Variants in CEP76 observed in about 807,000 individuals in gnomAD.
CEP76 encodes centrosomal protein 76.
A neutral mutation model predicts 83.3 loss-of-function variants in CEP76; 55 were observed. That is an observed-to-expected ratio of 0.66 (90% CI 0.53 to 0.83). CEP76 has a LOEUF of 0.83. Ranked by LOEUF, CEP76 falls within the 40% of genes least tolerant of loss-of-function variation. The pLI, the probability that CEP76 is intolerant of heterozygous loss-of-function variation, is 0.00. For synonymous variants in CEP76, 270 were observed against 274.5 expected, an observed-to-expected ratio of 0.98 and a Z score of 0.16; for missense variants, 694 against 799.5, an observed-to-expected ratio of 0.87 and a Z score of 1.59.
intron 9 of CEP76, 25 bp from the exon 10 acceptor site, chr18:12,678,467 T>A: frequency 6.8e-7 from 1 of 1,464,130 alleles, no homozygotes; most frequent in South Asian, 1.3e-5. Flanking sequence ...TAATTTTATA[T>A]ATGAGAACTT....
intron 2 of CEP76, chr18:12,700,174 T>C (rs1309356826): frequency 4.2e-6 from 1 of 238,202 alleles, no homozygotes; most frequent in Non-Finnish European, 8.0e-6. Flanking sequence ...AAATCCTTAA[T>C]ACCTTCAACA....
rs1270971805 is a variant in CEP76, at chr18:12,697,541, A to G, written c.521-133T>C. ...GAGAACAATTTGCTAATGTCTCAGA[A>G]AGCATGCAAAAAACTGGAAATACAA... On this transcript the variant is annotated intron_variant, in intron 4 of 11. Transcript: ENST00000262127. 6 of 633,270 alleles carry G rather than the reference A, an allele frequency of 9.5e-6. No homozygotes were observed. In the African/African-American group the frequency reaches 1.1e-4, roughly 12 times the overall value. 39.2% of individuals were successfully genotyped at this position (633,270 alleles called of 1,614,324 possible). A position where few individuals can be genotyped will look rare whatever the true frequency, so the allele number is the denominator to read the frequency against.
At chr18:12,701,555 T>C (rs562337924) in intron 1 of CEP76, among the ~76,000 whole-genome samples, 1 of 152,216 alleles carries the variant, frequency 6.6e-6, no homozygotes, top group East Asian at 1.9e-4. Flanking sequence ...AAAAACCTAG[T>C]GTAGTGCCCT....
chr18:12,683,199 A>AAAAAAAAAAAAAG (rs2039413148), intron 8 of CEP76, among the ~76,000 whole-genome samples: 2 of 148,170 alleles, frequency 1.3e-5, no homozygotes, highest in Non-Finnish European at 3.0e-5. Context: ...AAAAAAAAAA[A>AAAAAAAAAAAAAG]AAAAAGCCAG....
chr18:12,673,654 T>C (rs2039011478), intron 11 of CEP76, 151 bp from the exon 12 acceptor site: 1 of 524,320 alleles, frequency 1.9e-6, no homozygotes, highest in Non-Finnish European at 3.2e-6. Flanking sequence ...CCGAGACAGG[T>C]GGATCACCTG....
At position 12,699,319 on chromosome 18, in the gene CEP76, A is replaced by G. The variant is rs546993936; in HGVS notation, c.296-116T>C. The G allele has an allele frequency of 5.8e-6, 4 of 691,178 alleles. No homozygotes were observed. In the Admixed American group the frequency reaches 1.2e-4, roughly 21 times the overall value. The allele number at this position is 691,178 out of a possible 1,614,324, so 42.8% of individuals were successfully genotyped here. ...AAACCCAATACCAAAGACTAAAAAA[A>G]AAGCAAAAGAGTAACAAATTTATTA... On this transcript the variant is annotated intron_variant, in intron 3 of 11. Transcript: ENST00000262127.
chr18:12,691,389 G>C lies in CEP76; in HGVS notation c.903C>G (p.His301Gln). 6.2e-7 allele frequency: 1 copy of C among 1,606,238 alleles called. No individual in the cohort carries two copies. The highest frequency in any genetic ancestry group is 8.5e-7 in the Non-Finnish European group (1 of 1,175,898). ...WREYLQIRPSHNSRLVKIFAQ... is the reference protein window; with the variant it reads ...WREYLQIRPSQNSRLVKIFAQ... ...CAAAAATCTTAACCAGTCGTGAGTT[G>C]TGTGAGGGTCGAATTTGCAAATATT... Residue 301 changes from histidine (H) to glutamine (Q), a missense_variant, in exon 7 of 12, where the codon CAC becomes CAG. Coordinates refer to ENST00000262127, the MANE Select transcript of CEP76 (RefSeq NM_024899.4).
intron 12 of CEP76, among the ~76,000 whole-genome samples, chr18:12,666,029 C>G (rs549609118): frequency 6.6e-6 from 1 of 151,704 alleles, no homozygotes; most frequent in South Asian, 2.1e-4. Flanking sequence ...AAAATTGTTC[C>G]TTTGTGGCTG....
intron 1 of CEP76, among the ~76,000 whole-genome samples, chr18:12,702,272 A>G (rs949783936): frequency 6.6e-6 from 1 of 151,574 alleles, no homozygotes. Context: ...ATCGCCCCAG[A>G]CTCTTGCTAG....
Position 12,673,136 on chromosome 18 carries a change from A to G in CEP76, c.*229T>C, listed in dbSNP as rs2038989656. 2.7e-6 allele frequency: 3 copies of G among 1,131,430 alleles called. No homozygotes were observed. The highest frequency in any genetic ancestry group is 3.3e-6 in the Non-Finnish European group (3 of 902,212). The allele number at this position is 1,131,430 out of a possible 1,614,324, so 70.1% of individuals were successfully genotyped here. The stretch of plus-strand genomic sequence containing the variant: ...TAGCATTTATTAAAATAGAATATAC[A>G]CTTAATTTATACTAAATTCCAGGGA... On this transcript the variant is annotated 3_prime_UTR_variant, in exon 12 of 12. Transcript: ENST00000262127.
At chr18:12,665,436 T>G (rs1304689645) in intron 12 of CEP76, among the ~76,000 whole-genome samples, 1 of 152,124 alleles carries the variant, frequency 6.6e-6, no homozygotes, top group Non-Finnish European at 1.5e-5. Flanking sequence ...AACAGTTCTG[T>G]TAACCTGAAT....
At chr18:12,682,813 A>T (rs1453017908) in intron 8 of CEP76, among the ~76,000 whole-genome samples, 1 of 150,694 alleles carries the variant, frequency 6.6e-6, no homozygotes, top group East Asian at 2.0e-4. Context: ...GTAGAGAGAG[A>T]GTTTCATCAT....
rs575374608 is a variant in CEP76, at chr18:12,666,123, A to C, written c.*1728-3954T>G. On this transcript the variant is annotated intron_variant and NMD_transcript_variant, in intron 12 of 12. Transcript: ENST00000590143. The stretch of plus-strand genomic sequence containing the variant: ...CTTGATGCCAGAAGTTCAAGACCAG[A>C]CTGAGCAACATAGCAAGAACTCATC... 1.9e-4 allele frequency among the ~76,000 whole-genome samples: 28 copies of C among 151,126 alleles called. No homozygotes were observed. In the South Asian group the frequency reaches 5.7e-3, roughly 31 times the overall value.
chr18:12,695,242 A>G lies in CEP76; in HGVS notation c.804+12T>C, dbSNP rs776776734. The G allele has an allele frequency of 3.8e-5, 47 of 1,241,390 alleles. No individual in the cohort carries two copies. Among genetic ancestry groups the G allele is most frequent in the Middle Eastern group, 2.1e-4 (1 of 4,878 alleles). The allele number at this position is 1,241,390 out of a possible 1,614,324, so 76.9% of individuals were successfully genotyped here. ...CAAACACACAAAAAAAGAGAAACTC[A>G]TAAGTATTTACCTGTGTGTTCACTA... On this transcript the variant is annotated intron_variant, in intron 6 of 11. Coordinates refer to ENST00000262127, the MANE Select transcript of CEP76 (RefSeq NM_024899.4).
Position 12,699,119 on chromosome 18 carries a change from G to A in CEP76, c.380C>T (p.Pro127Leu). ...AFLEHLQEPE[P>L]LPGQVCSTFT... ...CGTTGAACAAACTTGTCCAGGTAAAGGCTCAGGTTCTTGCAGATGTTCCAA... is the reference window on the plus strand; with the variant it reads ...CGTTGAACAAACTTGTCCAGGTAAAAGCTCAGGTTCTTGCAGATGTTCCAA... The change falls in exon 4 of 12, where the codon CCT becomes CTT. Residue 127 changes from proline to leucine, a missense_variant. Coordinates refer to ENST00000262127, the MANE Select transcript of CEP76 (RefSeq NM_024899.4). 6 of 1,614,066 alleles carry A rather than the reference G, an allele frequency of 3.7e-6. No homozygotes were observed. Among genetic ancestry groups the A allele is most frequent in the Non-Finnish European group, 5.1e-6 (6 of 1,179,990 alleles).
At chr18:12,669,771 C>T (rs546819315), downstream of CEP76, among the ~76,000 whole-genome samples, 3 of 152,090 alleles carry the variant, frequency 2.0e-5, no homozygotes, top group Admixed American at 6.5e-5. Flanking sequence ...GAGGCCAAGG[C>T]GGGTGGATCA....
At chr18:12,698,953 A>T (rs1382473216) in intron 4 of CEP76, 26 bp downstream of exon 4, 1 of 1,461,618 alleles carries the variant, frequency 6.8e-7, no homozygotes, top group East Asian at 2.3e-5. Context: ...TACTCAATTA[A>T]ATGACAATTT....
At chr18:12,663,360 C>A (rs1041808681) in intron 12 of CEP76, 8 of 152,216 alleles carry the variant, frequency 5.3e-5, no homozygotes, top group African/African-American at 1.9e-4. Flanking sequence ...GCAATCTCCA[C>A]CTCCTAGGTT....
chr18:12,691,452 C>T lies in CEP76; in HGVS notation c.840G>A (p.Glu280=). Residue 280 remains glutamate, a synonymous_variant, in exon 7 of 12, where the codon GAG becomes GAA. Coordinates refer to ENST00000262127, the MANE Select transcript of CEP76 (RefSeq NM_024899.4). The part of the protein sequence containing the change: ...ALERQKTAEK[E]RLFLVYAKQW... ...GCTTAGCATATACAAGAAATAATCG[C>T]TCTTTCTCTGCAGTTTTCTGACGTT... is the stretch of plus-strand genomic sequence containing the variant. 1 of 1,605,120 alleles carries T rather than the reference C, an allele frequency of 6.2e-7. No homozygotes were observed. Among genetic ancestry groups the T allele is most frequent in the Non-Finnish European group, 8.5e-7 (1 of 1,176,422 alleles).
Sources: gnomAD v4.1 joint callset for allele counts (sites outside exome capture counted in the v4.1 genomes callset) on GRCh38, gnomAD v4.1.1 for gene constraint, MANE v1.5 for transcripts, NCBI Gene and HGNC (gene_info 2026-07-23, HGNC 2026-07-21) for gene names.